Variants in KCNMA1 observed in about 807,000 individuals in gnomAD.
KCNMA1 encodes Calcium-activated potassium channel subunit alpha-1.
Under a neutral mutation model 140.0 loss-of-function variants are expected in KCNMA1, and 29 were observed. That is an observed-to-expected ratio of 0.21 (90% CI 0.15 to 0.28). The LOEUF is 0.28. Among genes scored for constraint, KCNMA1 ranks in the 10% least tolerant of loss-of-function variants. The probability of loss-of-function intolerance (pLI) is 1.00; values close to 1 mark genes in which losing one functional copy is unlikely to be tolerated. For missense variants in KCNMA1, 880 were observed against 1,602.2 expected, an observed-to-expected ratio of 0.55 and a Z score of 7.70; for synonymous variants, 612 against 611.9, an observed-to-expected ratio of 1.00 and a Z score of 0.00.
chr10:76,966,185 A>T (rs957969651), intron 20 of KCNMA1, among the ~76,000 whole-genome samples: 2 of 152,190 alleles, frequency 1.3e-5, no homozygotes, highest in African/African-American at 2.4e-5. Context: ...TATTTGCTGG[A>T]TGGGAGCTAA....
chr10:77,053,388 T>C (rs557818736), intron 14 of KCNMA1, among the ~76,000 whole-genome samples: 16 of 152,330 alleles, frequency 1.1e-4, no homozygotes, highest in African/African-American at 3.8e-4. Flanking sequence ...ACCAGACAGA[T>C]GCACCTAGTT....
chr10:77,537,969 A>G (rs894691440), intron 1 of KCNMA1, among the ~76,000 whole-genome samples: 2 of 151,934 alleles, frequency 1.3e-5, no homozygotes, highest in Admixed American at 6.6e-5. Flanking sequence ...GAGGCACTGT[A>G]TACACACGCA....
intron 1 of KCNMA1, among the ~76,000 whole-genome samples, chr10:77,596,343 A>G (rs1475943248): frequency 6.6e-6 from 1 of 152,214 alleles, no homozygotes; most frequent in Non-Finnish European, 1.5e-5. Context: ...AAATCTATCC[A>G]AAAGAAATCC....
intron 2 of KCNMA1, 62 bp downstream of exon 2, chr10:77,403,800 A>T (rs754216314): frequency 6.5e-7 from 1 of 1,539,932 alleles, no homozygotes; most frequent in Non-Finnish European, 8.8e-7. Context: ...ACGTCTCATA[A>T]GCAAAGCCAC....
intron 2 of KCNMA1, among the ~76,000 whole-genome samples, chr10:77,347,681 G>A (rs2154382460): frequency 6.6e-6 from 1 of 152,146 alleles, no homozygotes; most frequent in Non-Finnish European, 1.5e-5. Context: ...AAAACAATAG[G>A]GCTTTGTGAC....
chr10:76,904,069 T>C (rs1428028084), intron 25 of KCNMA1: 2 of 152,248 alleles, frequency 1.3e-5, no homozygotes, highest in Admixed American at 6.5e-5. Context: ...TTCTTTGTAA[T>C]TACATGTGAT....
chr10:77,509,516 G>A (rs1383976947), intron 1 of KCNMA1, among the ~76,000 whole-genome samples: 1 of 152,182 alleles, frequency 6.6e-6, no homozygotes, highest in African/African-American at 2.4e-5. Flanking sequence ...ATACCCCAAA[G>A]TGGAACTGCT....
At chr10:77,374,164 G>A (rs2094928056) in intron 2 of KCNMA1, among the ~76,000 whole-genome samples, 1 of 152,168 alleles carries the variant, frequency 6.6e-6, no homozygotes, top group African/African-American at 2.4e-5. Context: ...GCCCTGATCT[G>A]GCCAAGCCTG....
At chr10:77,434,645 C>T (rs1211897056) in intron 1 of KCNMA1, among the ~76,000 whole-genome samples, 1 of 152,138 alleles carries the variant, frequency 6.6e-6, no homozygotes, top group Non-Finnish European at 1.5e-5. Flanking sequence ...TCCATCAATA[C>T]GGGTGAAATA....
At chr10:77,477,697 C>A (rs745985316) in intron 1 of KCNMA1, among the ~76,000 whole-genome samples, 3 of 152,182 alleles carry the variant, frequency 2.0e-5, no homozygotes, top group Non-Finnish European at 4.4e-5. Context: ...TTGTTGCACA[C>A]CTTTCTTTAG....
chr10:77,090,814 T>C (rs1232500613), intron 9 of KCNMA1: 1 of 463,798 alleles, frequency 2.2e-6, no homozygotes, highest in Non-Finnish European at 4.0e-6. Flanking sequence ...GACATTATGC[T>C]TGTGCTTAAA....
intron 23 of KCNMA1, among the ~76,000 whole-genome samples, chr10:76,929,058 GTTT>G (rs573651810): frequency 3.3e-5 from 5 of 151,756 alleles, no homozygotes; most frequent in South Asian, 4.2e-4. Flanking sequence ...ACAGAAATGA[GTTT>G]TTTTTAAAAA....
intron 16 of KCNMA1, among the ~76,000 whole-genome samples, chr10:77,024,526 C>A (rs957532827): frequency 6.6e-6 from 1 of 152,050 alleles, no homozygotes; most frequent in African/African-American, 2.4e-5. Flanking sequence ...TTAGATAACA[C>A]ATTATTGAAA....
chr10:77,543,006 ACTCTCTCTCTTTCTCTCTCTCTCATT>A (rs11272342), intron 1 of KCNMA1, among the ~76,000 whole-genome samples: 90,475 of 149,226 alleles, frequency 0.61, 28,530 homozygotes, highest in East Asian at 0.8. Context: ...AACAATCAAG[ACTCTCTCTCTTTCTCTCTCTCTCATT>A]CTCTCTCTCT....
At chr10:76,941,718 T>C (rs1021557229) in intron 23 of KCNMA1, among the ~76,000 whole-genome samples, 3 of 152,278 alleles carry the variant, frequency 2.0e-5, no homozygotes, top group South Asian at 2.1e-4. Flanking sequence ...CTGCTGAGCA[T>C]AGAAACACAT....
At chr10:76,887,757 G>T in intron 27 of KCNMA1, 10 of 548,126 alleles carry the variant, frequency 1.8e-5, no homozygotes, top group Non-Finnish European at 3.3e-5. Context: ...AGCCAGTAAT[G>T]GAAGAACCAA....
intron 1 of KCNMA1, among the ~76,000 whole-genome samples, chr10:77,474,323 T>C (rs2098230996): frequency 6.6e-6 from 1 of 152,194 alleles, no homozygotes; most frequent in African/African-American, 2.4e-5. Context: ...GTGATTATGG[T>C]TAAATGAGGT....
At chr10:77,547,599 G>A (rs1475928320) in intron 1 of KCNMA1, among the ~76,000 whole-genome samples, 1 of 152,202 alleles carries the variant, frequency 6.6e-6, no homozygotes, top group Non-Finnish European at 1.5e-5. Flanking sequence ...TTTTCTCCAT[G>A]CAGTAAGGCA....
At chr10:76,929,067 A>T (rs865835328) in intron 23 of KCNMA1, among the ~76,000 whole-genome samples, 67 of 152,190 alleles carry the variant, frequency 4.4e-4, no homozygotes, top group African/African-American at 1.2e-3. Flanking sequence ...AGTTTTTTTT[A>T]AAAAAGTTTC....
Sources: gnomAD v4.1 joint callset for allele counts (sites outside exome capture counted in the v4.1 genomes callset) on GRCh38, gnomAD v4.1.1 for gene constraint, MANE v1.5 for transcripts, NCBI Gene and HGNC (gene_info 2026-07-23, HGNC 2026-07-21) for gene names.